Variants in CAMKMT observed in about 807,000 individuals in gnomAD.
CAMKMT encodes CaM KMT.
Under a neutral mutation model 48.0 loss-of-function variants are expected in CAMKMT, and 53 were observed. The ratio of observed to expected loss-of-function variants is 1.10; its 90% confidence interval spans 0.89 to 1.39. The LOEUF (loss-of-function observed/expected upper bound fraction) is 1.39, where lower values mean the gene tolerates loss of function less well. CAMKMT is among the 40% of genes most tolerant of loss of function. The pLI is 0.00. For synonymous variants in CAMKMT, 165 were observed against 152.3 expected (o/e 1.08, Z -0.61); for missense variants, 428 against 402.7 (o/e 1.06, Z -0.54).
intron 3 of CAMKMT, among the ~76,000 whole-genome samples, chr2:44,585,084 G>T (rs551482600): frequency 2.0e-5 from 3 of 152,008 alleles, no homozygotes; most frequent in African/African-American, 7.2e-5. Context: ...AAGGCTTGTT[G>T]ATTAAACCAA....
chr2:44,433,641 T>TA (rs888082074), intron 3 of CAMKMT, among the ~76,000 whole-genome samples: 10 of 152,336 alleles, frequency 6.6e-5, no homozygotes, highest in African/African-American at 2.4e-4. Context: ...AACTGTTGAT[T>TA]AAAAAATAAT....
intron 3 of CAMKMT, among the ~76,000 whole-genome samples, chr2:44,449,360 ATAC>A (rs1273135812): frequency 6.6e-6 from 1 of 152,188 alleles, no homozygotes; most frequent in African/African-American, 2.4e-5. Context: ...CTGTGCTGAT[ATAC>A]CCTCAGCCCT....
chr2:44,486,767 C>T (rs1246877212), intron 3 of CAMKMT, among the ~76,000 whole-genome samples: 1 of 152,190 alleles, frequency 6.6e-6, no homozygotes, highest in Admixed American at 6.5e-5. Context: ...TCTATGTTCC[C>T]ACAAATCCTT....
chr2:44,598,000 G>T (rs528807118), intron 3 of CAMKMT, among the ~76,000 whole-genome samples: 1 of 151,332 alleles, frequency 6.6e-6, no homozygotes, highest in Admixed American at 6.6e-5. Context: ...CTCCCAAATT[G>T]CTGGGATTAC....
intron 6 of CAMKMT, among the ~76,000 whole-genome samples, chr2:44,708,211 A>ATTTTTTGTTTTTTTT (rs1677672405): frequency 2.9e-5 from 2 of 68,178 alleles, no homozygotes; most frequent in Non-Finnish European, 5.1e-5. Flanking sequence ...TTTGCTTTGG[A>ATTTTTTGTTTTTTTT]TTTTTTTTTT....
intron 3 of CAMKMT, among the ~76,000 whole-genome samples, chr2:44,670,674 A>C (rs552310524): frequency 1.2e-4 from 18 of 152,200 alleles, no homozygotes; most frequent in African/African-American, 3.9e-4. Flanking sequence ...AAAATAAATA[A>C]ATAAATAATA....
rs1319284553 is a variant in CAMKMT at position 44,657,206 on chromosome 2, A to G, written c.377-47077A>G. Among the ~76,000 whole-genome samples, 1 of 152,212 alleles carries G rather than the reference A, an allele frequency of 6.6e-6. No homozygotes were observed. The highest frequency in any genetic ancestry group is 1.5e-5 in the Non-Finnish European group (1 of 68,030). ...TCCCGTGGAGAGGTCAGGACCTCTC[A>G]GAGTTGAATTTTAGAAGATTCAGAT... On this transcript the variant is annotated intron_variant, in intron 3 of 10. Transcript: ENST00000378494. This position sits in a 1 kb window ranked among gnomAD's most constrained non-coding sequence, Gnocchi z 4.3.
intron 3 of CAMKMT, among the ~76,000 whole-genome samples, chr2:44,432,651 A>G (rs192132561): frequency 6.6e-6 from 1 of 152,284 alleles, no homozygotes; most frequent in Admixed American, 6.5e-5. Flanking sequence ...GGCTCTCTGA[A>G]ACTTTGTTTG....
intron 7 of CAMKMT, among the ~76,000 whole-genome samples, chr2:44,715,796 A>G (rs1359322420): frequency 6.6e-6 from 1 of 152,178 alleles, no homozygotes; most frequent in Non-Finnish European, 1.5e-5. Flanking sequence ...ATCTAGTGGT[A>G]GAGACCAGGG....
chr2:44,575,063 C>T (rs1669140805), intron 3 of CAMKMT, among the ~76,000 whole-genome samples: 1 of 150,934 alleles, frequency 6.6e-6, no homozygotes, highest in Non-Finnish European at 1.5e-5. Flanking sequence ...CCATGTTTCT[C>T]CTTTTATTTA....
intron 3 of CAMKMT, among the ~76,000 whole-genome samples, chr2:44,527,481 T>G (rs759213628): frequency 1.4e-5 from 2 of 147,098 alleles, no homozygotes; most frequent in African/African-American, 2.5e-5. Flanking sequence ...AGGCTGGTCT[T>G]GAACTCCTGG....
At chr2:44,419,720 G>A (rs937605897) in intron 3 of CAMKMT, among the ~76,000 whole-genome samples, 7 of 152,040 alleles carry the variant, frequency 4.6e-5, no homozygotes, top group South Asian at 2.1e-4. Flanking sequence ...GGACACAGGC[G>A]CATGCTAAAA....
intron 3 of CAMKMT, among the ~76,000 whole-genome samples, chr2:44,514,261 A>G (rs1363188537): frequency 6.6e-6 from 1 of 151,830 alleles, no homozygotes; most frequent in Non-Finnish European, 1.5e-5. Context: ...TGTGTTTAGG[A>G]GTAACATAAA....
chr2:44,408,278 C>T (rs950043479), intron 3 of CAMKMT, among the ~76,000 whole-genome samples: 17 of 152,184 alleles, frequency 1.1e-4, no homozygotes, highest in African/African-American at 4.1e-4. Context: ...CCCACCTCGG[C>T]CTCCCAAAGT....
At chr2:44,478,205 T>C (rs1299302418) in intron 3 of CAMKMT, among the ~76,000 whole-genome samples, 1 of 152,246 alleles carries the variant, frequency 6.6e-6, no homozygotes, top group Non-Finnish European at 1.5e-5. Flanking sequence ...CCAATATTTC[T>C]GCAATAGTCA....
At chr2:44,734,034 TC>T (rs1679223166) in intron 7 of CAMKMT, among the ~76,000 whole-genome samples, 1 of 152,096 alleles carries the variant, frequency 6.6e-6, no homozygotes, top group African/African-American at 2.4e-5. Context: ...CATTGATTTT[TC>T]TCTATTATTT....
chr2:44,763,539 C>T (rs146870998), intron 9 of CAMKMT, among the ~76,000 whole-genome samples: 8 of 152,278 alleles, frequency 5.3e-5, no homozygotes, highest in Non-Finnish European at 7.3e-5. Context: ...CCTGTTGTCA[C>T]GGAGTATGCA....
intron 3 of CAMKMT, among the ~76,000 whole-genome samples, chr2:44,440,758 T>A (rs1173366027): frequency 6.6e-6 from 1 of 152,172 alleles, no homozygotes. Context: ...TTTTCCACAG[T>A]AGTATCACAT....
Position 44,700,905 on chromosome 2 carries a change from G to A in CAMKMT, c.377-3378G>A, listed in dbSNP as rs186250460. 3.3e-5 allele frequency among the ~76,000 whole-genome samples: 5 copies of A among 152,262 alleles called. No homozygotes were observed. The East Asian group carries it at 9.6e-4, about 29-fold the overall frequency. On this transcript the variant is annotated intron_variant, in intron 3 of 10. Coordinates refer to ENST00000378494, the MANE Select transcript of CAMKMT (RefSeq NM_024766.5). ...GCATCTACAAAGCACAATAAAGAAA[G>A]CTGCAATAAAATGGAGTATTGCCTG...
Sources: gnomAD v4.1 joint callset for allele counts (sites outside exome capture counted in the v4.1 genomes callset) on GRCh38, gnomAD v4.1.1 for gene constraint, Gnocchi (gnomAD v3.1) non-coding constraint, MANE v1.5 for transcripts, NCBI Gene and HGNC (gene_info 2026-07-23, HGNC 2026-07-21) for gene names.